Variants in SYT9 observed in about 807,000 individuals in gnomAD.
The protein encoded by SYT9 is synaptotagmin 9.
Under a neutral mutation model 48.4 loss-of-function variants are expected in SYT9, and 22 were observed. That is an observed-to-expected ratio of 0.45 (90% CI 0.32 to 0.65). The LOEUF is 0.65. SYT9 is among the 30% of genes least tolerant of loss of function. The pLI, the probability that SYT9 is intolerant of heterozygous loss-of-function variation, is 0.03. For synonymous variants in SYT9, 265 were observed against 245.0 expected (o/e 1.08, Z -0.76); for missense variants, 577 against 622.0 (o/e 0.93, Z 0.77).
At chr11:7,321,504 T>C (rs889868662) in intron 3 of SYT9, among the ~76,000 whole-genome samples, 31 of 152,200 alleles carry the variant, frequency 2.0e-4, no homozygotes, top group African/African-American at 7.2e-4. Flanking sequence ...GTACCATAAG[T>C]CATATGTGAT....
At chr11:7,382,570 A>G (rs914207917) in intron 3 of SYT9, among the ~76,000 whole-genome samples, 6 of 152,224 alleles carry the variant, frequency 3.9e-5, no homozygotes, top group African/African-American at 1.4e-4. Flanking sequence ...ACTTGTATAT[A>G]TGAGTCTATG....
chr11:7,418,795 C>A (rs1162039442), intron 5 of SYT9, among the ~76,000 whole-genome samples: 4 of 152,156 alleles, frequency 2.6e-5, no homozygotes, highest in Admixed American at 6.5e-5. Flanking sequence ...GAAAAACAGT[C>A]ATTTTAATAT....
intron 6 of SYT9, among the ~76,000 whole-genome samples, chr11:7,433,511 G>C (rs1847649360): frequency 6.6e-6 from 1 of 152,182 alleles, no homozygotes; most frequent in Admixed American, 6.5e-5. Context: ...TTTTGCTGGG[G>C]CTTTATCTGC....
At chr11:7,264,058 G>T (rs1047833695) in intron 1 of SYT9, among the ~76,000 whole-genome samples, 1 of 152,124 alleles carries the variant, frequency 6.6e-6, no homozygotes, top group African/African-American at 2.4e-5. Flanking sequence ...TTGTCATGAA[G>T]TCAGGGCAGA....
upstream of SYT9, among the ~76,000 whole-genome samples, chr11:7,247,596 T>C (rs1396016620): frequency 2.7e-5 from 4 of 147,246 alleles, no homozygotes; most frequent in African/African-American, 1.0e-4. Flanking sequence ...TGTGTATATA[T>C]ACGTATATAT....
intron 6 of SYT9, among the ~76,000 whole-genome samples, chr11:7,437,356 T>C (rs1413426284): frequency 6.6e-6 from 1 of 152,230 alleles, no homozygotes; most frequent in African/African-American, 2.4e-5. Flanking sequence ...GACATGGACA[T>C]AGATATAAAA....
chr11:7,395,430 A>G (rs1846733684), intron 3 of SYT9, among the ~76,000 whole-genome samples: 1 of 151,742 alleles, frequency 6.6e-6, no homozygotes, highest in South Asian at 2.1e-4. Context: ...GAATCTGTCT[A>G]ATGCTTCTTG....
intron 3 of SYT9, among the ~76,000 whole-genome samples, chr11:7,398,155 G>A (rs772516364): frequency 4.6e-5 from 7 of 152,138 alleles, no homozygotes; most frequent in Middle Eastern, 3.4e-3. Flanking sequence ...AAGTTTGCTG[G>A]AGCTTCTATC....
At chr11:7,394,976 T>G (rs943461090) in intron 3 of SYT9, among the ~76,000 whole-genome samples, 5 of 152,138 alleles carry the variant, frequency 3.3e-5, no homozygotes, top group Non-Finnish European at 1.5e-5. Flanking sequence ...ACATGTAAAA[T>G]ATGTGGTTTT....
At chr11:7,324,648 G>C (rs1407686320) in intron 3 of SYT9, among the ~76,000 whole-genome samples, 1 of 151,334 alleles carries the variant, frequency 6.6e-6, no homozygotes, top group Non-Finnish European at 1.5e-5. Context: ...TTTTTCTTTG[G>C]TCTATATATT....
intron 6 of SYT9, among the ~76,000 whole-genome samples, chr11:7,430,541 G>A (rs145007479): frequency 6.6e-4 from 101 of 152,256 alleles, no homozygotes; most frequent in African/African-American, 2.3e-3. Context: ...GTTTACTAAA[G>A]AGCGGTCATA....
At chr11:7,454,106 G>A in intron 6 of SYT9, 2 of 985,392 alleles carry the variant, frequency 2.0e-6, no homozygotes, top group Non-Finnish European at 2.4e-6. Flanking sequence ...CTGCTCCCCA[G>A]TCACTTTTCT....
intron 6 of SYT9, among the ~76,000 whole-genome samples, chr11:7,461,888 G>C (rs1265233774): frequency 6.6e-6 from 1 of 152,168 alleles, no homozygotes; most frequent in Non-Finnish European, 1.5e-5. Flanking sequence ...TCTGAATGGT[G>C]CCTTCACTGT....
rs1350398586 is a variant in SYT9, at chr11:7,432,177, G to C, written c.1467+11542G>C. Among the ~76,000 whole-genome samples, 4 of 152,304 alleles carry C rather than the reference G, an allele frequency of 2.6e-5. No homozygotes were observed. The East Asian group carries it at 7.8e-4, about 30-fold the overall frequency. ...AAACCATAGGGGCAGAGCTGCCCAA[G>C]GCCTTGGGGGCCCACCCTTTGCACC... On this transcript the variant is annotated intron_variant, in intron 6 of 6. Transcript: ENST00000318881.
chr11:7,244,386 T>G (rs1403058507), intron 1 of SYT9, among the ~76,000 whole-genome samples: 1 of 152,156 alleles, frequency 6.6e-6, no homozygotes, highest in African/African-American at 2.4e-5. Flanking sequence ...AATTCCAAAT[T>G]TGCTTTTATT....
intron 1 of SYT9, among the ~76,000 whole-genome samples, chr11:7,280,348 A>G (rs1012972720): frequency 6.6e-6 from 1 of 152,260 alleles, no homozygotes; most frequent in Non-Finnish European, 1.5e-5. Flanking sequence ...TGAACAAGTA[A>G]GAGGAAAGTA....
intron 6 of SYT9, chr11:7,438,990 T>C (rs1261988893): frequency 6.6e-6 from 1 of 152,126 alleles, no homozygotes; most frequent in Non-Finnish European, 1.5e-5. Flanking sequence ...TCTAAAGCTC[T>C]AAAGGACCCA....
At chr11:7,328,519 T>C (rs10734616) in intron 3 of SYT9, among the ~76,000 whole-genome samples, 106,783 of 152,006 alleles carry the variant, frequency 0.7, 37,699 homozygotes, top group East Asian at 0.92. Flanking sequence ...CAAAACTATA[T>C]TTTTACTTTG....
At chr11:7,345,700 G>A (rs752983657) in intron 3 of SYT9, among the ~76,000 whole-genome samples, 1 of 152,200 alleles carries the variant, frequency 6.6e-6, no homozygotes, top group African/African-American at 2.4e-5. Flanking sequence ...GTATAGACTA[G>A]GCTGGAGCTC....
Sources: allele counts gnomAD v4.1 joint callset (sites outside exome capture counted in the v4.1 genomes callset), GRCh38; gene constraint gnomAD v4.1.1; transcripts MANE v1.5; gene names NCBI Gene and HGNC (gene_info 2026-07-23, HGNC 2026-07-21).